The following ZNF385D variants were observed in gnomAD, a reference collection of about 807,000 sequenced individuals.
ZNF385D encodes zinc finger protein 659.
ZNF385D carries 15 observed loss-of-function variants against 35.8 expected under a neutral mutation model. The observed-to-expected ratio is 0.42, with a 90% CI of 0.28 to 0.64. The LOEUF (loss-of-function observed/expected upper bound fraction) is 0.64, where lower values mean the gene tolerates loss of function less well. Among genes scored for constraint, ZNF385D ranks in the 30% least tolerant of loss-of-function variants. The pLI, the probability that ZNF385D is intolerant of heterozygous loss-of-function variation, is 0.23. For missense variants in ZNF385D, 474 were observed against 494.6 expected (o/e 0.96, Z 0.39); for synonymous variants, 212 against 186.8 (o/e 1.13, Z -1.10).
chr3:22,200,723 A>G (rs1696731308), intron 2 of ZNF385D, among the ~76,000 whole-genome samples: 1 of 152,054 alleles, frequency 6.6e-6, no homozygotes, highest in African/African-American at 2.4e-5. Flanking sequence ...ACAGGCCATA[A>G]AAGATGGCCA....
chr3:22,116,956 A>C (rs913721651), intron 3 of ZNF385D, among the ~76,000 whole-genome samples: 1 of 151,974 alleles, frequency 6.6e-6, no homozygotes, highest in African/African-American at 2.4e-5. Flanking sequence ...CACCCTATAC[A>C]ATGGTTAAAA....
intron 3 of ZNF385D, among the ~76,000 whole-genome samples, chr3:21,901,728 C>T (rs1161224669): frequency 6.6e-6 from 1 of 152,144 alleles, no homozygotes; most frequent in Non-Finnish European, 1.5e-5. Flanking sequence ...AATGTATTAA[C>T]TTGCAAAACA....
At chr3:21,548,518 A>G (rs543024953) in intron 3 of ZNF385D, among the ~76,000 whole-genome samples, 1 of 152,034 alleles carries the variant, frequency 6.6e-6, no homozygotes, top group Non-Finnish European at 1.5e-5. Context: ...CCCATGCTTA[A>G]TCCTCTTCTC....
intron 2 of ZNF385D, among the ~76,000 whole-genome samples, chr3:21,578,577 T>A (rs554144708): frequency 6.6e-6 from 1 of 152,336 alleles, no homozygotes; most frequent in East Asian, 1.9e-4. Context: ...CTGTATCATT[T>A]ATCTAAGAGA....
intron 2 of ZNF385D, among the ~76,000 whole-genome samples, chr3:22,327,842 A>C (rs1694749913): frequency 6.6e-6 from 1 of 152,186 alleles, no homozygotes; most frequent in Non-Finnish European, 1.5e-5. Flanking sequence ...GGAAGAGAAC[A>C]TTGCTATTTC....
At chr3:21,695,005 C>G (rs1324936881) in intron 1 of ZNF385D, among the ~76,000 whole-genome samples, 2 of 152,130 alleles carry the variant, frequency 1.3e-5, no homozygotes, top group Admixed American at 1.3e-4. Context: ...CACAAAATTG[C>G]TTCTGTGATT....
chr3:21,885,159 C>T (rs1559722243), intron 3 of ZNF385D, among the ~76,000 whole-genome samples: 1 of 151,934 alleles, frequency 6.6e-6, no homozygotes, highest in Non-Finnish European at 1.5e-5. Flanking sequence ...ATATATGCAG[C>T]TGTTACATTG....
At position 21,421,458 on chromosome 3, in the gene ZNF385D, GA is replaced by G; in HGVS notation, c.955-12del. On this transcript the variant is annotated splice_polypyrimidine_tract_variant and intron_variant, in intron 7 of 7. Transcript: ENST00000281523. ...AAATACTAATTTTACCTGCAAGGGA[GA>G]AAAAATATTGTAAAAAAAACAACAG... is the stretch of plus-strand genomic sequence containing the variant. 6.3e-7 allele frequency: 1 copy of G among 1,583,596 alleles called. No individual in the cohort carries two copies. The highest frequency in any genetic ancestry group is 1.7e-5 in the Admixed American group (1 of 57,396).
In ZNF385D at chr3:22,277,264, G is replaced by A. The variant is rs1439195148; in HGVS notation, c.106+95186C>T. 2.0e-5 allele frequency among the ~76,000 whole-genome samples: 3 copies of A among 152,192 alleles called. 1 individual carries two copies. The highest frequency in any genetic ancestry group is 7.2e-5 in the African/African-American group (3 of 41,558). On this transcript the variant is annotated intron_variant, in intron 2 of 5. Coordinates refer to the ZNF385D transcript ENST00000494108. ...ACAAAGCCAGAGGAGAGTCAGAAAT[G>A]AATATTCAACAAATGGTTGGCAACA...
intron 3 of ZNF385D, among the ~76,000 whole-genome samples, chr3:21,856,290 C>G (rs979922360): frequency 7.1e-6 from 1 of 141,142 alleles, no homozygotes; most frequent in Non-Finnish European, 1.5e-5. Context: ...TCCAGGATTA[C>G]ATCCATGGAC....
intron 3 of ZNF385D, among the ~76,000 whole-genome samples, chr3:21,909,080 A>G (rs2125910525): frequency 6.6e-6 from 1 of 152,214 alleles, no homozygotes; most frequent in Non-Finnish European, 1.5e-5. Flanking sequence ...CAACAAGTTA[A>G]ACGTTCATTG....
rs192109918 is a variant in ZNF385D at position 21,666,061 on chromosome 3, C to A, written c.23-1033G>T. Among the ~76,000 whole-genome samples, 18 of 152,288 alleles carry A rather than the reference C, an allele frequency of 1.2e-4. 1 individual carries two copies. The highest frequency in any genetic ancestry group is 4.3e-4 in the African/African-American group (18 of 41,556). ...ACAGTAAAGAATTCTAGGAGACATG[C>A]TTGCGCCACTTACTTGCCTGCCATC... On this transcript the variant is annotated intron_variant, in intron 1 of 7. Transcript: ENST00000281523.
At chr3:22,031,179 G>A (rs1404403463) in intron 3 of ZNF385D, among the ~76,000 whole-genome samples, 1 of 152,210 alleles carries the variant, frequency 6.6e-6, no homozygotes, top group Non-Finnish European at 1.5e-5. Flanking sequence ...GGTGAAAGCT[G>A]TCAGTGGATC....
chr3:21,920,649 A>C lies in ZNF385D; in HGVS notation c.325+248168T>G, dbSNP rs538687042. Among the ~76,000 whole-genome samples, 32 of 150,572 alleles carry C rather than the reference A, an allele frequency of 2.1e-4. 1 individual carries two copies. The highest frequency in any genetic ancestry group is 6.1e-4 in the African/African-American group (25 of 41,240). On this transcript the variant is annotated intron_variant, in intron 3 of 5. Transcript: ENST00000494108. ...AAAAAAAAAAAAAAAGATGAAATGG[A>C]AATTCTTTTCCTTCATGCTCTAGGA...
At chr3:21,888,753 A>T (rs2125877583) in intron 3 of ZNF385D, among the ~76,000 whole-genome samples, 1 of 152,302 alleles carries the variant, frequency 6.6e-6, no homozygotes, top group Middle Eastern at 3.4e-3. Context: ...ATTTATCCAA[A>T]ATCTCAAATT....
intron 3 of ZNF385D, among the ~76,000 whole-genome samples, chr3:22,058,284 TAAA>T (rs1699512834): frequency 6.6e-6 from 1 of 152,238 alleles, no homozygotes; most frequent in Admixed American, 6.5e-5. Flanking sequence ...AATTGAAGAA[TAAA>T]AATATACAGA....
chr3:21,685,761 G>C (rs2067083235), intron 1 of ZNF385D, among the ~76,000 whole-genome samples: 1 of 152,182 alleles, frequency 6.6e-6, no homozygotes, highest in African/African-American at 2.4e-5. Context: ...TCTTTGTATG[G>C]AGCAATACAT....
intron 2 of ZNF385D, among the ~76,000 whole-genome samples, chr3:22,271,046 C>T (rs1191343480): frequency 6.6e-6 from 1 of 151,848 alleles, no homozygotes; most frequent in Non-Finnish European, 1.5e-5. Flanking sequence ...CCTTTTAGCC[C>T]CTCCTTCCAT....
intron 2 of ZNF385D, among the ~76,000 whole-genome samples, chr3:22,349,077 A>T (rs528487426): frequency 6.6e-6 from 1 of 152,334 alleles, no homozygotes; most frequent in Admixed American, 6.5e-5. Context: ...ATATTTGCTT[A>T]AAATTCAGAA....
Sources: allele counts gnomAD v4.1 joint callset (sites outside exome capture counted in the v4.1 genomes callset), GRCh38; gene constraint gnomAD v4.1.1; transcripts MANE v1.5; gene names NCBI Gene and HGNC (gene_info 2026-07-23, HGNC 2026-07-21).